MAPK10: variants seen among roughly 807,000 people sequenced by gnomAD.
MAPK10 encodes the protein mitogen-activated protein kinase 10, also known as JNK3 alpha protein kinase.
MAPK10 carries 25 observed loss-of-function variants against 59.3 expected under a neutral mutation model. The observed-to-expected ratio is 0.42, with a 90% CI of 0.31 to 0.59. The LOEUF (loss-of-function observed/expected upper bound fraction) is 0.59. MAPK10 is among the 20% of genes least tolerant of loss of function. MAPK10 has a pLI of 0.15. For missense variants in MAPK10, 351 were observed against 568.9 expected (o/e 0.62, Z 3.90); for synonymous variants, 190 against 200.5 (o/e 0.95, Z 0.44).
At chr4:86,082,672 AG>A (rs2149033082) in intron 9 of MAPK10, among the ~76,000 whole-genome samples, 1 of 152,334 alleles carries the variant, frequency 6.6e-6, no homozygotes. Context: ...GTAGATAACA[AG>A]GGAATGTAAA....
At chr4:86,259,989 C>G (rs1447216835) in intron 2 of MAPK10, among the ~76,000 whole-genome samples, 1 of 152,002 alleles carries the variant, frequency 6.6e-6, no homozygotes, top group Non-Finnish European at 1.5e-5. Context: ...AACCGACAAC[C>G]TGGATTCAAA....
At chr4:86,526,372 T>C (rs1757471160) in intron 1 of MAPK10, among the ~76,000 whole-genome samples, 1 of 152,218 alleles carries the variant, frequency 6.6e-6, no homozygotes, top group African/African-American at 2.4e-5. Context: ...GTGTTCATAA[T>C]AGTCTCTGAT....
intron 13 of MAPK10, among the ~76,000 whole-genome samples, chr4:86,021,782 T>G (rs1030746116): frequency 6.6e-6 from 1 of 152,156 alleles, no homozygotes; most frequent in African/African-American, 2.4e-5. Flanking sequence ...CGGCGAGAAA[T>G]CGAGCACAGC....
intron 4 of MAPK10, chr4:86,152,534 G>A (rs2066729123): frequency 6.6e-6 from 1 of 152,128 alleles, no homozygotes; most frequent in Non-Finnish European, 1.5e-5. Flanking sequence ...CAAAGGGAAT[G>A]ATAGGGCTGT....
intron 2 of MAPK10, among the ~76,000 whole-genome samples, chr4:86,348,732 A>T (rs559883561): frequency 6.6e-6 from 1 of 152,310 alleles, no homozygotes; most frequent in African/African-American, 2.4e-5. Context: ...TTCTGCCTTC[A>T]GTACAACTTA....
At chr4:86,170,435 T>C (rs2073749672) in intron 3 of MAPK10, among the ~76,000 whole-genome samples, 1 of 151,930 alleles carries the variant, frequency 6.6e-6, no homozygotes, top group South Asian at 2.1e-4. Context: ...AACAGAGACT[T>C]GTTGGATTTG....
chr4:86,157,342 C>T (rs904362957), intron 4 of MAPK10, among the ~76,000 whole-genome samples: 4 of 151,854 alleles, frequency 2.6e-5, no homozygotes, highest in East Asian at 3.9e-4. Flanking sequence ...AAATTACATG[C>T]GGTGACACAT....
intron 1 of MAPK10, among the ~76,000 whole-genome samples, chr4:86,382,907 T>C (rs934934898): frequency 6.6e-6 from 1 of 152,212 alleles, no homozygotes; most frequent in African/African-American, 2.4e-5. Context: ...TCTTCTACTC[T>C]TGACTTGCTG....
chr4:86,376,599 T>C (rs991428024), intron 1 of MAPK10, among the ~76,000 whole-genome samples: 1 of 152,180 alleles, frequency 6.6e-6, no homozygotes, highest in Admixed American at 6.5e-5. Flanking sequence ...TCCTCCCTAA[T>C]AGTTAACATA....
chr4:86,291,860 C>G (rs1355304294), intron 2 of MAPK10, among the ~76,000 whole-genome samples: 1 of 152,092 alleles, frequency 6.6e-6, no homozygotes, highest in African/African-American at 2.4e-5. Flanking sequence ...CAAGTGTAAA[C>G]TAATTTGTGA....
intron 1 of MAPK10, among the ~76,000 whole-genome samples, chr4:86,372,377 C>T (rs1208828965): frequency 2.6e-5 from 4 of 151,674 alleles, no homozygotes; most frequent in Non-Finnish European, 2.9e-5. Flanking sequence ...ATTAGCTGGG[C>T]GTGGTGGTGT....
chr4:86,044,425 CAA>C (rs972519703), intron 11 of MAPK10: 1 of 246,796 alleles, frequency 4.1e-6, no homozygotes, highest in African/African-American at 2.2e-5. Flanking sequence ...TAACATGCAG[CAA>C]AGATTAAGAC....
intron 1 of MAPK10, among the ~76,000 whole-genome samples, chr4:86,471,610 G>A (rs1261196870): frequency 1.3e-5 from 2 of 152,120 alleles, no homozygotes; most frequent in East Asian, 3.8e-4. Context: ...CATTTACCAT[G>A]TTATCACTGT....
At chr4:86,145,357 G>A (rs1156311117) in intron 4 of MAPK10, among the ~76,000 whole-genome samples, 11 of 114,810 alleles carry the variant, frequency 9.6e-5, no homozygotes, top group African/African-American at 3.6e-4. Context: ...GCGAGACACC[G>A]TCTCAAAAAA....
intron 2 of MAPK10, among the ~76,000 whole-genome samples, chr4:86,264,533 T>G (rs1053673735): frequency 6.6e-6 from 1 of 152,242 alleles, no homozygotes; most frequent in African/African-American, 2.4e-5. Flanking sequence ...AGAAAAGACT[T>G]CTTAAGTCTT....
chr4:86,405,834 T>C (rs191585093), intron 1 of MAPK10, among the ~76,000 whole-genome samples: 35 of 152,336 alleles, frequency 2.3e-4, no homozygotes, highest in African/African-American at 8.2e-4. Context: ...GAGTTAATGC[T>C]TTTAGCTCAA....
At chr4:86,483,415 T>C (rs889993250) in intron 1 of MAPK10, among the ~76,000 whole-genome samples, 1 of 152,152 alleles carries the variant, frequency 6.6e-6, no homozygotes, top group Non-Finnish European at 1.5e-5. Flanking sequence ...GCAGAATCAC[T>C]TTATAATTAC....
chr4:86,382,854 G>A (rs1002430926), intron 1 of MAPK10, among the ~76,000 whole-genome samples: 3 of 152,144 alleles, frequency 2.0e-5, no homozygotes, highest in Non-Finnish European at 4.4e-5. Context: ...GGAGTATTAA[G>A]AGCAGGGATC....
intron 2 of MAPK10, among the ~76,000 whole-genome samples, chr4:86,316,213 T>C (rs188246242): frequency 5.3e-4 from 80 of 152,296 alleles, no homozygotes; most frequent in African/African-American, 1.8e-3. Context: ...TATATTAGCA[T>C]AGCAAATCCT....
Sources: allele counts gnomAD v4.1 joint callset (sites outside exome capture counted in the v4.1 genomes callset), GRCh38; gene constraint gnomAD v4.1.1; transcripts MANE v1.5; gene names NCBI Gene and HGNC (gene_info 2026-07-23, HGNC 2026-07-21).